The following TLCD4 variants were observed in gnomAD, a reference collection of about 807,000 sequenced individuals.
TLCD4 encodes TLC domain-containing protein 4.
TLCD4 carries 7 observed loss-of-function variants against 24.2 expected under a neutral mutation model. The ratio of observed to expected loss-of-function variants is 0.29; its 90% CI spans 0.16 to 0.54. The LOEUF is 0.54. Among genes scored for constraint, TLCD4 ranks in the 20% least tolerant of loss-of-function variants. TLCD4 has a pLI of 0.95. For synonymous variants in TLCD4, 103 were observed against 106.4 expected, an observed-to-expected ratio of 0.97 and a Z score of 0.20; for missense variants, 259 against 313.9, an observed-to-expected ratio of 0.82 and a Z score of 1.32.
rs138113931 is a variant in TLCD4, at chr1:95,121,759, C to T, written c.-12+4142C>T. Among the ~76,000 whole-genome samples, 1,018 of 152,338 alleles carry T rather than the reference C, an allele frequency of 6.7e-3. 7 individuals carry two copies. The highest frequency in any genetic ancestry group is 0.011 in the Non-Finnish European group (737 of 68,036). On this transcript the variant is annotated intron_variant, in intron 1 of 6. Transcript: ENST00000370203. ...TGTTGGGATTACAGGCGTGAGCCTC[C>T]GTGCTCAGCCTGAAAAGTATTCTTA...
chr1:95,112,293 A>T, the TLCD4 span, among the ~76,000 whole-genome samples: 2 of 152,210 alleles, frequency 1.3e-5, no homozygotes, highest in Admixed American at 1.3e-4. Flanking sequence ...GATCAATAGG[A>T]TAAAAGGACA....
At chr1:95,097,718 G>A in the TLCD4 span, among the ~76,000 whole-genome samples, 1 of 151,912 alleles carries the variant, frequency 6.6e-6, no homozygotes, top group Non-Finnish European at 1.5e-5. Context: ...CCTTTTGAAA[G>A]GAGATGGTGT....
At chr1:95,174,408 G>A (rs1047942104) in intron 6 of TLCD4, among the ~76,000 whole-genome samples, 5 of 150,200 alleles carry the variant, frequency 3.3e-5, no homozygotes, top group Non-Finnish European at 5.9e-5. Flanking sequence ...AGGGGCTCAC[G>A]TCTATAAATC....
the TLCD4 span, among the ~76,000 whole-genome samples, chr1:95,094,715 T>C: frequency 0.99 from 150,409 of 152,246 alleles, 74,321 homozygotes; most frequent in Middle Eastern, 1. Context: ...GCAGAAGAAC[T>C]TCCCAGCTAA....
chr1:95,187,427 G>A (rs1237262092), intron 6 of TLCD4, among the ~76,000 whole-genome samples: 11 of 152,086 alleles, frequency 7.2e-5, no homozygotes, highest in Non-Finnish European at 4.4e-5. Context: ...TCCTGTCTCT[G>A]GTGACCTTGA....
chr1:95,147,331 C>T (rs182628612), intron 2 of TLCD4, among the ~76,000 whole-genome samples: 1 of 152,270 alleles, frequency 6.6e-6, no homozygotes, highest in East Asian at 1.9e-4. Flanking sequence ...ACCTTGGCCT[C>T]CCAAAGTGCT....
chr1:95,180,546 G>A lies in TLCD4; in HGVS notation c.473+6657G>A, dbSNP rs572578695. On this transcript the variant is annotated intron_variant, in intron 6 of 6. Coordinates refer to ENST00000370203, the MANE Select transcript of TLCD4 (RefSeq NM_152487.3). ...GAGCTTTGTATATAAGAAGGCACAT[G>A]GCATACATGTGCTGGGGTACAGAGT... Among the ~76,000 whole-genome samples, 7 of 152,244 alleles carry A rather than the reference G, an allele frequency of 4.6e-5. 1 individual carries two copies. The highest frequency in any genetic ancestry group is 1.7e-4 in the African/African-American group (7 of 41,544).
chr1:95,143,263 G>T (rs1677255238), intron 1 of TLCD4, among the ~76,000 whole-genome samples: 1 of 152,120 alleles, frequency 6.6e-6, no homozygotes, highest in Non-Finnish European at 1.5e-5. Context: ...TAGGAAGTCA[G>T]TATGAATCGG....
At chr1:95,190,974 C>T (rs768343685) in intron 6 of TLCD4, among the ~76,000 whole-genome samples, 2 of 152,082 alleles carry the variant, frequency 1.3e-5, no homozygotes, top group African/African-American at 2.4e-5. Context: ...TTAATTTTAA[C>T]GAAGTCCAAC....
chr1:95,165,066 C>T (rs1287964381), intron 5 of TLCD4: 1 of 152,266 alleles, frequency 6.6e-6, no homozygotes, highest in Non-Finnish European at 1.5e-5. Flanking sequence ...AGATTGCTGT[C>T]TGTGCTGCTG....
chr1:95,146,520 A>G (rs1677354074), intron 2 of TLCD4, among the ~76,000 whole-genome samples: 1 of 152,122 alleles, frequency 6.6e-6, no homozygotes, highest in Non-Finnish European at 1.5e-5. Flanking sequence ...CTTTATATGC[A>G]CAAACATTTC....
Position 95,192,011 on chromosome 1 carries a change from A to C in TLCD4, c.*143A>C. ...TCATTTTTTTTAAACCTTAGAAAAG[A>C]GAAGGCCGGGCACGGTGGCTCATGC... On this transcript the variant is annotated 3_prime_UTR_variant, in exon 7 of 7. Transcript: ENST00000370203. The C allele has an allele frequency of 6.9e-7, 1 of 1,440,522 alleles. No individual in the cohort carries two copies. The highest frequency in any genetic ancestry group is 9.0e-7 in the Non-Finnish European group (1 of 1,105,840). 89.2% of individuals were successfully genotyped at this position (1,440,522 alleles called of 1,614,324 possible).
chr1:95,126,694 T>C (rs1243900231), intron 1 of TLCD4, among the ~76,000 whole-genome samples: 2 of 152,214 alleles, frequency 1.3e-5, no homozygotes, highest in African/African-American at 4.8e-5. Context: ...GAGTGTTGGC[T>C]GTCAGCTGGG....
chr1:95,186,234 A>C (rs1406441955), intron 6 of TLCD4, among the ~76,000 whole-genome samples: 1 of 152,192 alleles, frequency 6.6e-6, no homozygotes, highest in Admixed American at 6.5e-5. Flanking sequence ...GGTGAATAGC[A>C]GAGAGAGCTA....
the TLCD4 span, among the ~76,000 whole-genome samples, chr1:95,097,719 G>C: frequency 1.3e-5 from 2 of 151,850 alleles, no homozygotes; most frequent in Non-Finnish European, 2.9e-5. Flanking sequence ...CTTTTGAAAG[G>C]AGATGGTGTC....
chr1:95,171,665 A>G (rs1479625052), intron 5 of TLCD4, among the ~76,000 whole-genome samples: 1 of 152,204 alleles, frequency 6.6e-6, no homozygotes, highest in Non-Finnish European at 1.5e-5. Context: ...GTTATTTTAT[A>G]TATATTAGTA....
rs148657464 is a variant in TLCD4, at chr1:95,173,875, G to A, written c.459G>A (p.Pro153=). The A allele has an allele frequency of 2.9e-5, 46 of 1,613,966 alleles. No individual in the cohort carries two copies. The highest frequency in any genetic ancestry group is 6.7e-5 in the Admixed American group (4 of 59,996). Residue 153 remains proline (P), a synonymous_variant, in exon 6 of 7, where the codon CCG becomes CCA. Transcript: ENST00000370203. ...GCCTGCTTGCAGAGCTTTCCAGCCCGTTTGTGAATCAGCGGTATGTTACTG... is the reference window on the plus strand; with the variant it reads ...GCCTGCTTGCAGAGCTTTCCAGCCCATTTGTGAATCAGCGGTATGTTACTG... The part of the protein sequence containing the change: ...NFRLLAELSS[P]FVNQRWFFEA...
chr1:95,193,917 T>C lies in TLCD4; in HGVS notation c.*2049T>C, dbSNP rs1679104967. 1 of 152,038 alleles carries C rather than the reference T, an allele frequency of 6.6e-6. No homozygotes were observed. The highest frequency in any genetic ancestry group is 2.4e-5 in the African/African-American group (1 of 41,436). 9.4% of individuals were successfully genotyped at this position (152,038 alleles called of 1,614,324 possible). A position where few individuals can be genotyped will look rare whatever the true frequency, so the allele number is the denominator to read the frequency against. On this transcript the variant is annotated 3_prime_UTR_variant, in exon 7 of 7. Transcript: ENST00000370203. The stretch of plus-strand genomic sequence containing the variant: ...AGTGGCTTTAAAAAAATTTATATAA[T>C]AAAACTATTTTGGAAATTCATTCTT...
intron 1 of TLCD4, among the ~76,000 whole-genome samples, chr1:95,127,908 A>G (rs1453439338): frequency 2.6e-5 from 4 of 152,208 alleles, no homozygotes; most frequent in Non-Finnish European, 5.9e-5. Flanking sequence ...GATTTATCCA[A>G]AATCCAATGG....
Sources: allele counts gnomAD v4.1 joint callset (sites outside exome capture counted in the v4.1 genomes callset), GRCh38; gene constraint gnomAD v4.1.1; transcripts MANE v1.5; gene names NCBI Gene and HGNC (gene_info 2026-07-23, HGNC 2026-07-21).